The following CADM2 variants were observed in gnomAD, a reference collection of about 807,000 sequenced individuals.
The protein encoded by CADM2 is cell adhesion molecule 2.
CADM2 carries 12 observed loss-of-function variants against 49.8 expected under a neutral mutation model. The ratio of observed to expected loss-of-function variants is 0.24; its 90% confidence interval spans 0.15 to 0.39. The LOEUF is 0.39. CADM2 is among the 10% of genes least tolerant of loss of function. The pLI, the probability that CADM2 is intolerant of heterozygous loss-of-function variation, is 1.00. For missense variants in CADM2, 378 were observed against 492.3 expected (o/e 0.77, Z 2.20); for synonymous variants, 214 against 175.4 (o/e 1.22, Z -1.74).
rs186197783 is a variant in CADM2 at position 85,088,858 on chromosome 3, A to G, written c.61+129190A>G. On this transcript the variant is annotated intron_variant, in intron 1 of 9. Coordinates refer to ENST00000383699, the MANE Select transcript of CADM2 (RefSeq NM_001167675.2). ...ATCTCCATTGATAATTTCATGATTAAGAAGTATTTACATCGATGCTCTCAG... is the reference window on the plus strand; with the variant it reads ...ATCTCCATTGATAATTTCATGATTAGGAAGTATTTACATCGATGCTCTCAG... Among the ~76,000 whole-genome samples the G allele has an allele frequency of 6.4e-4, 98 of 152,256 alleles. 1 individual carries two copies. Among genetic ancestry groups the G allele is most frequent in the Admixed American group, 6.2e-3 (95 of 15,288 alleles).
intron 1 of CADM2, among the ~76,000 whole-genome samples, chr3:85,057,302 C>A (rs2036117957): frequency 6.9e-6 from 1 of 144,476 alleles, no homozygotes; most frequent in African/African-American, 2.9e-5. Flanking sequence ...TTACCATTTT[C>A]AGAATTTTTT....
intron 8 of CADM2, 28 bp downstream of exon 8, chr3:85,961,675 G>A: frequency 3.4e-6 from 5 of 1,469,328 alleles, no homozygotes; most frequent in Non-Finnish European, 4.6e-6. Context: ...AACATTATAT[G>A]TGAAAGGATG....
chr3:85,679,084 G>T lies in CADM2; in HGVS notation c.62-47438G>T, dbSNP rs145952939. Among the ~76,000 whole-genome samples the T allele has an allele frequency of 4.6e-5, 7 of 152,084 alleles. No individual in the cohort carries two copies. The East Asian group carries it at 9.7e-4, about 21-fold the overall frequency. ...AGTTCATGTCATTTATTGGAAGGCA[G>T]ATATAAAATCAATAACCACAAAATT... On this transcript the variant is annotated intron_variant, in intron 1 of 9. Transcript: ENST00000383699.
At chr3:85,205,202 T>C (rs2041603264) in intron 1 of CADM2, among the ~76,000 whole-genome samples, 1 of 150,610 alleles carries the variant, frequency 6.6e-6, no homozygotes, top group Admixed American at 6.6e-5. Context: ...AAAAAAAAAA[T>C]TGTAGAGACA....
chr3:85,801,941 G>T, intron 2 of CADM2, 106 bp from the exon 3 acceptor site: 1 of 926,016 alleles, frequency 1.1e-6, no homozygotes, highest in South Asian at 2.0e-5. Context: ...TTGTTTGGTT[G>T]TTTTAAATTT....
At chr3:85,469,761 A>T (rs2038684576) in intron 1 of CADM2, among the ~76,000 whole-genome samples, 1 of 152,200 alleles carries the variant, frequency 6.6e-6, no homozygotes, top group South Asian at 2.1e-4. Flanking sequence ...AAGTAGGCTA[A>T]AATTGACTGT....
chr3:85,222,143 G>C (rs760405102), intron 1 of CADM2, among the ~76,000 whole-genome samples: 2 of 152,130 alleles, frequency 1.3e-5, no homozygotes, highest in Non-Finnish European at 2.9e-5. Flanking sequence ...TTGAAGGCTG[G>C]TTTGGTCACT....
chr3:85,000,284 T>TTA (rs1413177263), intron 1 of CADM2, among the ~76,000 whole-genome samples: 1 of 146,478 alleles, frequency 6.8e-6, no homozygotes, highest in African/African-American at 2.6e-5. Context: ...CAGCTAATTA[T>TTA]TTTTTTTTTG....
At chr3:85,127,654 C>T (rs1049059228) in intron 1 of CADM2, among the ~76,000 whole-genome samples, 1 of 152,138 alleles carries the variant, frequency 6.6e-6, no homozygotes, top group African/African-American at 2.4e-5. Flanking sequence ...ATTGCCACCC[C>T]ATGGCTTCTA....
chr3:85,386,659 G>A (rs1276915368), intron 1 of CADM2, among the ~76,000 whole-genome samples: 1 of 152,158 alleles, frequency 6.6e-6, no homozygotes, highest in South Asian at 2.1e-4. Flanking sequence ...GTTGACTAGA[G>A]ACTGAAATAC....
At chr3:85,991,540 G>A (rs770798996) in intron 8 of CADM2, among the ~76,000 whole-genome samples, 3 of 152,056 alleles carry the variant, frequency 2.0e-5, no homozygotes, top group Non-Finnish European at 4.4e-5. Flanking sequence ...CACACCCATT[G>A]CAATAATAAG....
chr3:85,556,353 C>G (rs1184600320), intron 1 of CADM2, among the ~76,000 whole-genome samples: 1 of 152,032 alleles, frequency 6.6e-6, no homozygotes, highest in African/African-American at 2.4e-5. Flanking sequence ...CTTGCTGTCT[C>G]AAAGGTGGCA....
intron 1 of CADM2, among the ~76,000 whole-genome samples, chr3:85,651,687 C>T (rs963658117): frequency 6.6e-6 from 1 of 152,064 alleles, no homozygotes; most frequent in Non-Finnish European, 1.5e-5. Context: ...TAATTCAGGT[C>T]ATACTAATGT....
At chr3:85,149,634 G>C (rs1297491280) in intron 1 of CADM2, among the ~76,000 whole-genome samples, 1 of 152,204 alleles carries the variant, frequency 6.6e-6, no homozygotes, top group African/African-American at 2.4e-5. Context: ...TTACTCTGGA[G>C]ACTGAGGCAG....
chr3:86,003,307 G>T (rs1730399886), intron 8 of CADM2, among the ~76,000 whole-genome samples: 1 of 152,088 alleles, frequency 6.6e-6, no homozygotes, highest in South Asian at 2.1e-4. Flanking sequence ...GGGCCATAAG[G>T]GGAACCAATT....
At chr3:85,546,066 C>T (rs1213469369) in intron 1 of CADM2, among the ~76,000 whole-genome samples, 1 of 152,156 alleles carries the variant, frequency 6.6e-6, no homozygotes, top group Admixed American at 6.5e-5. Flanking sequence ...ACCATGGCAG[C>T]TCCTCATACA....
chr3:85,577,552 G>A (rs1576849263), intron 1 of CADM2, among the ~76,000 whole-genome samples: 2 of 151,970 alleles, frequency 1.3e-5, no homozygotes, highest in African/African-American at 2.4e-5. Flanking sequence ...TTCAAAAATC[G>A]CCCAGTCTGT....
intron 7 of CADM2, among the ~76,000 whole-genome samples, chr3:85,958,273 C>T (rs1346601440): frequency 2.0e-5 from 3 of 151,924 alleles, no homozygotes; most frequent in African/African-American, 4.8e-5. Context: ...GTCAGAATGG[C>T]GATTATTAAA....
At chr3:85,376,075 C>T (rs546750587) in intron 1 of CADM2, among the ~76,000 whole-genome samples, 11 of 152,102 alleles carry the variant, frequency 7.2e-5, no homozygotes, top group African/African-American at 2.7e-4. Flanking sequence ...ATCAATTTAA[C>T]AGATAATAAA....
Sources: allele counts gnomAD v4.1 joint callset (sites outside exome capture counted in the v4.1 genomes callset), GRCh38; gene constraint gnomAD v4.1.1; transcripts MANE v1.5; gene names NCBI Gene and HGNC (gene_info 2026-07-23, HGNC 2026-07-21).